Variants in NUP62CL observed in about 807,000 individuals in gnomAD.
NUP62CL encodes the protein nucleoporin-62 C-terminal-like protein.
In NUP62CL, 13 loss-of-function variants were observed where a neutral mutation model predicts 15.3. The observed-to-expected ratio is 0.85, with a 90% CI of 0.55 to 1.35. NUP62CL has a LOEUF of 1.35. NUP62CL is among the 40% of genes most tolerant of loss of function. The pLI is 0.00. For synonymous variants in NUP62CL, 54 were observed against 49.2 expected, an observed-to-expected ratio of 1.10 and a Z score of -0.41; for missense variants, 123 against 130.6, an observed-to-expected ratio of 0.94 and a Z score of 0.28.
At chrX:107,137,482 G>T (rs965583859) in intron 8 of NUP62CL, among the ~76,000 whole-genome samples, 1 of 111,462 alleles carries the variant, frequency 9.0e-6, no homozygotes, top group South Asian at 3.8e-4. Context: ...TGTCTATAAG[G>T]AAAATTCCGA....
rs1259274909 is a variant in NUP62CL, at chrX:107,205,158, A to G, written c.-92+1115T>C. Reference sequence around the variant, plus strand: ...CATGTGTACTAGGTCACAATATAAAATTTATTTCTTACTGTCGGTCACAGT... The same window carrying G: ...CATGTGTACTAGGTCACAATATAAAGTTTATTTCTTACTGTCGGTCACAGT... On this transcript the variant is annotated intron_variant, in intron 1 of 8. Coordinates refer to ENST00000372466, the MANE Select transcript of NUP62CL (RefSeq NM_017681.3). Among the ~76,000 whole-genome samples, 5 of 111,539 alleles carry G rather than the reference A, an allele frequency of 4.5e-5. No individual in the cohort carries two copies. In the Admixed American group the frequency reaches 4.8e-4, roughly 11 times the overall value.
At chrX:107,196,599 G>A (rs964542687) in intron 1 of NUP62CL, among the ~76,000 whole-genome samples, 5 of 111,515 alleles carry the variant, frequency 4.5e-5, no homozygotes, top group African/African-American at 1.6e-4. Flanking sequence ...GTGCCACCAC[G>A]CTTGGCTAAT....
intron 2 of NUP62CL, among the ~76,000 whole-genome samples, chrX:107,189,613 A>AAATAATAATAAT (rs112376938): frequency 0.15 from 14,664 of 99,626 alleles, 1,183 homozygotes; most frequent in East Asian, 0.4. Context: ...CCGTCCCTAC[A>AAATAATAATAAT]AATAATAATA....
intron 8 of NUP62CL, among the ~76,000 whole-genome samples, chrX:107,132,844 T>C (rs1394835831): frequency 8.9e-6 from 1 of 112,224 alleles, no homozygotes; most frequent in African/African-American, 3.2e-5. Context: ...AAGTTAAGTA[T>C]ATAAGTTTTC....
intron 7 of NUP62CL, chrX:107,150,953 T>C (rs766623809): frequency 2.9e-6 from 1 of 342,638 alleles, no homozygotes; most frequent in Non-Finnish European, 5.9e-6. Flanking sequence ...ATCTATACTT[T>C]CTGCTAATCT....
intron 2 of NUP62CL, among the ~76,000 whole-genome samples, chrX:107,185,673 AAAAG>A (rs1927043597): frequency 8.9e-6 from 1 of 112,004 alleles, no homozygotes. Context: ...GCAGAAATGG[AAAAG>A]AAAGAAATGA....
intron 8 of NUP62CL, chrX:107,131,824 G>A (rs1925525755): frequency 9.1e-7 from 1 of 1,104,753 alleles, no homozygotes. Context: ...CTTTGCTGGG[G>A]AGTATGAAGA....
At chrX:107,166,427 T>G (rs1184292973) in intron 4 of NUP62CL, among the ~76,000 whole-genome samples, 1 of 111,970 alleles carries the variant, frequency 8.9e-6, no homozygotes, top group East Asian at 2.8e-4. Flanking sequence ...CTGGCAAGAA[T>G]GCAGACAATC....
chrX:107,155,661 T>A (rs1009342855), intron 4 of NUP62CL, among the ~76,000 whole-genome samples: 22 of 110,973 alleles, frequency 2.0e-4, no homozygotes, highest in Non-Finnish European at 3.2e-4. Flanking sequence ...GTACTACATG[T>A]CAAAAAAGAG....
intron 8 of NUP62CL, chrX:107,131,576 C>T (rs1925516913): frequency 4.9e-6 from 2 of 409,331 alleles, no homozygotes; most frequent in East Asian, 4.3e-5. Context: ...AATGTAGGGC[C>T]GGTACTCAAG....
chrX:107,187,286 G>GA (rs895435765), intron 2 of NUP62CL, among the ~76,000 whole-genome samples: 2 of 109,824 alleles, frequency 1.8e-5, no homozygotes, highest in Non-Finnish European at 3.8e-5. Context: ...GAAGAACTGA[G>GA]AAAAAAAATA....
At chrX:107,154,338 G>A in intron 4 of NUP62CL, 92 bp from the exon 5 acceptor site, 1 of 669,762 alleles carries the variant, frequency 1.5e-6, no homozygotes, top group African/African-American at 2.2e-5. Flanking sequence ...ACTCTGAGAA[G>A]AAAACAGCAT....
chrX:107,161,346 G>T lies in NUP62CL; in HGVS notation c.194+6303C>A, dbSNP rs1295495790. Among the ~76,000 whole-genome samples the T allele has an allele frequency of 1.0e-4, 10 of 98,414 alleles. No homozygotes were observed. In the East Asian group the frequency reaches 3.2e-3, roughly 31 times the overall value. The allele number at this position is 98,414 out of a possible 115,157, so 85.5% of individuals were successfully genotyped here. On this transcript the variant is annotated intron_variant, in intron 4 of 8. Transcript: ENST00000372466. The stretch of plus-strand genomic sequence containing the variant: ...ACACATGCACACGTATGTTTATTGC[G>T]GCATTATTCACAATAGCAAAGACTT...
At chrX:107,131,308 T>C (rs1569353332) in intron 8 of NUP62CL, among the ~76,000 whole-genome samples, 1 of 111,680 alleles carries the variant, frequency 9.0e-6, no homozygotes, top group South Asian at 3.8e-4. Flanking sequence ...TAGCCTGCTT[T>C]AGATTCCTGA....
At chrX:107,179,669 G>A (rs958373376) in intron 2 of NUP62CL, among the ~76,000 whole-genome samples, 2 of 112,062 alleles carry the variant, frequency 1.8e-5, no homozygotes, top group Admixed American at 9.5e-5. Context: ...TGTGAACAGT[G>A]CTGCAATAAA....
intron 2 of NUP62CL, among the ~76,000 whole-genome samples, chrX:107,179,108 A>G (rs1364357629): frequency 9.1e-6 from 1 of 110,150 alleles, no homozygotes. Context: ...AAAAAAAAGA[A>G]AAGAAAAGAA....
At chrX:107,204,772 A>ATTTATTTAAATAAATTTTAAATAAATTT (rs1569369118) in intron 1 of NUP62CL, among the ~76,000 whole-genome samples, 1 of 92,103 alleles carries the variant, frequency 1.1e-5, no homozygotes, top group African/African-American at 4.5e-5. Flanking sequence ...TAAATAAATT[A>ATTTATTTAAATAAATTTTAAATAAATTT]TTTAAATAAA....
chrX:107,131,693 C>A (rs1405050948), intron 8 of NUP62CL: 18 of 687,619 alleles, frequency 2.6e-5, no homozygotes, highest in Non-Finnish European at 2.4e-6. Context: ...AGAGGAGGAG[C>A]AGTTGGTTCT....
At chrX:107,184,982 C>G (rs986188116) in intron 2 of NUP62CL, among the ~76,000 whole-genome samples, 1 of 110,572 alleles carries the variant, frequency 9.0e-6, no homozygotes, top group Non-Finnish European at 1.9e-5. Context: ...TCACAGCTAA[C>G]GAAAATATCC....
Sources: allele counts gnomAD v4.1 joint callset (sites outside exome capture counted in the v4.1 genomes callset), GRCh38; gene constraint gnomAD v4.1.1; transcripts MANE v1.5; gene names NCBI Gene and HGNC (gene_info 2026-07-23, HGNC 2026-07-21).